TRIM65: variants seen among roughly 807,000 people sequenced by gnomAD.
TRIM65 encodes tripartite motif containing 65.
Under a neutral mutation model 36.1 loss-of-function variants are expected in TRIM65, and 46 were observed. The ratio of observed to expected loss-of-function variants is 1.27; its 90% CI spans 1.01 to 1.63. TRIM65 has a LOEUF of 1.63. Ranked by LOEUF, TRIM65 falls within the 40% of genes most tolerant of loss-of-function variation. The pLI, the probability that TRIM65 is intolerant of heterozygous loss-of-function variation, is 0.00. For missense variants in TRIM65, 708 were observed against 696.6 expected (o/e 1.02, Z -0.18); for synonymous variants, 346 against 313.6 (o/e 1.10, Z -1.09).
chr17:75,896,731 C>T lies in TRIM65; in HGVS notation c.207G>A (p.Val69=), dbSNP rs772626955. Residue 69 remains valine (V), a synonymous_variant, in exon 1 of 6, where the codon GTG becomes GTA. Coordinates refer to ENST00000269383, the MANE Select transcript of TRIM65 (RefSeq NM_173547.4). ...ELRRNVALSG[V]LEVVRAGPAR... ...CGGGCCCGGCGCGCACCACCTCCAGCACGCCGCTGAGGGCCACGTTGCGGC... is the reference window on the plus strand; with the variant it reads ...CGGGCCCGGCGCGCACCACCTCCAGTACGCCGCTGAGGGCCACGTTGCGGC... 3.7e-5 allele frequency: 54 copies of T among 1,452,144 alleles called. No homozygotes were observed. The African/African-American group carries it at 6.3e-4, about 17-fold the overall frequency. 90.0% of individuals were successfully genotyped at this position (1,452,144 alleles called of 1,614,324 possible).
chr17:75,880,831 T>C (rs371969915), intron 4 of TRIM65, among the ~76,000 whole-genome samples: 3 of 150,336 alleles, frequency 2.0e-5, no homozygotes, highest in East Asian at 3.9e-4. Flanking sequence ...CCTGCCTCTG[T>C]TTCCCCAGCT....
At chr17:75,888,739 G>C (rs1341970434), downstream of TRIM65, among the ~76,000 whole-genome samples, 1 of 152,112 alleles carries the variant, frequency 6.6e-6, no homozygotes, top group East Asian at 1.9e-4. Flanking sequence ...TCCCATGTCT[G>C]GGGAGCTCCC....
At chr17:75,896,333 T>G (rs55872768) in intron 1 of TRIM65, among the ~76,000 whole-genome samples, 191 bp downstream of exon 1, 67,911 of 152,064 alleles carry the variant, frequency 0.45, 18,550 homozygotes, top group African/African-American at 0.78. Flanking sequence ...GGGATTACAG[T>G]CGTGAGCCAC....
At chr17:75,885,040 G>A (rs192113156), downstream of TRIM65, among the ~76,000 whole-genome samples, 24 of 151,406 alleles carry the variant, frequency 1.6e-4, no homozygotes, top group Admixed American at 1.1e-3. Context: ...GGGTTAAAGC[G>A]ATTCTTCTGC....
chr17:75,881,910 TC>T (rs1738226880), intron 4 of TRIM65, among the ~76,000 whole-genome samples: 1 of 150,364 alleles, frequency 6.7e-6, no homozygotes. Context: ...TACATTGGTT[TC>T]CACCAAGAGC....
chr17:75,881,235 C>CAAAAAAAAAAAA (rs58718762), intron 4 of TRIM65, among the ~76,000 whole-genome samples: 9 of 110,236 alleles, frequency 8.2e-5, no homozygotes, highest in Non-Finnish European at 1.3e-4. Flanking sequence ...GACTCCATCT[C>CAAAAAAAAAAAA]AAAAAAAAAA....
intron 1 of TRIM65, 105 bp downstream of exon 1, chr17:75,896,419 C>T: frequency 8.2e-7 from 1 of 1,220,188 alleles, no homozygotes. Context: ...GGCTCCCCGC[C>T]CCCGCCGGGT....
intron 1 of TRIM65, 126 bp downstream of exon 1, chr17:75,896,398 C>T (rs1245845378): frequency 4.1e-6 from 5 of 1,217,044 alleles, no homozygotes; most frequent in Non-Finnish European, 5.1e-6. Context: ...GGAGAAGCCC[C>T]TTACAGATGA....
chr17:75,896,760 G>C lies in TRIM65; in HGVS notation c.178C>G (p.Leu60Val), dbSNP rs2065355381. ...CCGCTGAGGGCCACGTTGCGGCGCA[G>C]CTCGGCGCCGTCGGGAAAGGGCTCC... Reference protein sequence around the residue: ...CREPFPDGAELRRNVALSGVL... With the variant: ...CREPFPDGAEVRRNVALSGVL... Residue 60 changes from leucine to valine, a missense_variant, in exon 1 of 6, where the codon CTG becomes GTG. Transcript: ENST00000269383. 6.7e-7 allele frequency: 1 copy of C among 1,491,458 alleles called. No homozygotes were observed. The highest frequency in any genetic ancestry group is 8.9e-7 in the Non-Finnish European group (1 of 1,125,850). The allele number at this position is 1,491,458 out of a possible 1,614,324, so 92.4% of individuals were successfully genotyped here.
rs563588236 is a variant in TRIM65, at chr17:75,882,851, C to A, written c.350-2222G>T. On this transcript the variant is annotated intron_variant, in intron 4 of 4. Transcript: ENST00000591668. ...TGCTTGAGAAAAAAAGGAAAAAAATCAAACAAAAACAAGTGGCTGGGTGTG... is the reference window on the plus strand; with the variant it reads ...TGCTTGAGAAAAAAAGGAAAAAAATAAAACAAAAACAAGTGGCTGGGTGTG... Among the ~76,000 whole-genome samples the A allele has an allele frequency of 4.0e-5, 6 of 149,962 alleles. No homozygotes were observed. The South Asian group carries it at 1.2e-3, about 31-fold the overall frequency.
chr17:75,894,792 G>A (rs11868794), intron 1 of TRIM65, among the ~76,000 whole-genome samples: 54,335 of 152,222 alleles, frequency 0.36, 11,103 homozygotes, highest in African/African-American at 0.56. Flanking sequence ...GCCTCCCAAA[G>A]TGCTGGGATT....
downstream of TRIM65, among the ~76,000 whole-genome samples, chr17:75,888,229 T>C (rs529951520): frequency 6.6e-6 from 1 of 150,850 alleles, no homozygotes; most frequent in African/African-American, 2.4e-5. Context: ...GGTGTGCGCT[T>C]ATAATCCCAG....
chr17:75,888,492 C>G (rs1481694735), downstream of TRIM65, among the ~76,000 whole-genome samples: 1 of 152,210 alleles, frequency 6.6e-6, no homozygotes, highest in Non-Finnish European at 1.5e-5. Flanking sequence ...ACCTCAGAAG[C>G]AGAAAGGGGC....
Position 75,891,340 on chromosome 17 carries a change from G to A in TRIM65, c.993C>T (p.Arg331=). ...PLRRKLWQNY[R]NLTFDPVSAN... ...CGCTGACTGGATCAAAGGTCAGATTGCGATAATCTGTTGGGGAAAGGAGGA... is the reference window on the plus strand; with the variant it reads ...CGCTGACTGGATCAAAGGTCAGATTACGATAATCTGTTGGGGAAAGGAGGA... The change falls in exon 6 of 6, where the codon CGC becomes CGT. Residue 331 remains arginine (R), a synonymous_variant. Transcript: ENST00000269383. 6.2e-7 allele frequency: 1 copy of A among 1,613,360 alleles called. No homozygotes were observed. The highest frequency in any genetic ancestry group is 8.5e-7 in the Non-Finnish European group (1 of 1,179,984).
chr17:75,882,077 G>A (rs951301888), intron 4 of TRIM65, among the ~76,000 whole-genome samples: 1 of 150,510 alleles, frequency 6.6e-6, no homozygotes, highest in African/African-American at 2.5e-5. Flanking sequence ...AGGAGGGGGT[G>A]CCTTTCCGGT....
chr17:75,884,162 T>G (rs1427521106), downstream of TRIM65, among the ~76,000 whole-genome samples: 1 of 151,006 alleles, frequency 6.6e-6, no homozygotes, highest in African/African-American at 2.4e-5. Flanking sequence ...AATAGATAGA[T>G]AGTAAACAAT....
downstream of TRIM65, among the ~76,000 whole-genome samples, chr17:75,887,173 AAG>A (rs1355449949): frequency 4.2e-5 from 6 of 144,444 alleles, no homozygotes; most frequent in South Asian, 2.2e-4. Flanking sequence ...AAAAAAAAAA[AAG>A]AAGAGAAAAA....
Position 75,891,165 on chromosome 17 carries a change from C to T in TRIM65, c.1168G>A (p.Ala390Thr), listed in dbSNP as rs371071342. 7.1e-5 allele frequency: 115 copies of T among 1,609,280 alleles called. No individual in the cohort carries two copies. Among genetic ancestry groups the T allele is most frequent in the Admixed American group, 1.7e-4 (10 of 59,988 alleles). ...CCCAGTGTCACCGAGTGGTCTGACG[C>T]GCGCACCTCCCAGTAGTGGTGCCCG... ...QAGHHYWEVR[A>T]SDHSVTLGVS... The change falls in exon 6 of 6, where the codon GCG becomes ACG. Residue 390 changes from alanine to threonine, a missense_variant. Physicochemically the swap from Ala to Thr is moderately conservative, Grantham distance 58 (BLOSUM62 0). Coordinates refer to ENST00000269383, the MANE Select transcript of TRIM65 (RefSeq NM_173547.4).
At chr17:75,891,784 G>A (rs953744379) in intron 5 of TRIM65, 29 bp downstream of exon 5, 1 of 1,596,710 alleles carries the variant, frequency 6.3e-7, no homozygotes, top group Admixed American at 1.7e-5. Context: ...GCACACACAG[G>A]GGCACACATA....
Sources: gnomAD v4.1 joint callset for allele counts (sites outside exome capture counted in the v4.1 genomes callset) on GRCh38, gnomAD v4.1.1 for gene constraint, MANE v1.5 for transcripts, NCBI Gene and HGNC (gene_info 2026-07-23, HGNC 2026-07-21) for gene names.